SETX: variants seen among roughly 807,000 people sequenced by gnomAD.
SETX encodes the protein senataxin, also known as helicase senataxin.
Under a neutral mutation model 227.2 loss-of-function variants are expected in SETX, and 90 were observed. That is an observed-to-expected ratio of 0.40 (90% confidence interval 0.33 to 0.47). SETX has a LOEUF of 0.47. Ranked by LOEUF, SETX falls within the 20% of genes least tolerant of loss-of-function variation. SETX has a pLI of 0.91. For missense variants in SETX, 3,052 were observed against 3,181.5 expected, an observed-to-expected ratio of 0.96 and a Z score of 0.98; for synonymous variants, 1,210 against 1,113.2, an observed-to-expected ratio of 1.09 and a Z score of -1.73.
At chr9:132,295,536 C>T (rs1051825081) in intron 15 of SETX, among the ~76,000 whole-genome samples, 2 of 152,216 alleles carry the variant, frequency 1.3e-5, no homozygotes, top group Non-Finnish European at 2.9e-5. Context: ...CTGCCCTTCT[C>T]TAACCCTCAC....
chr9:132,332,582 T>C (rs181657798), intron 7 of SETX, among the ~76,000 whole-genome samples: 2 of 152,134 alleles, frequency 1.3e-5, no homozygotes, highest in East Asian at 1.9e-4. Flanking sequence ...ACAAAGTAGT[T>C]AGATGAAGAC....
chr9:132,282,439 C>A (rs1156926588), intron 19 of SETX, among the ~76,000 whole-genome samples: 3 of 151,862 alleles, frequency 2.0e-5, no homozygotes, highest in African/African-American at 7.3e-5. Context: ...CAGGCACACA[C>A]CATCAACTCC....
At position 132,327,412 on chromosome 9, in the gene SETX, A is replaced by C. The variant is rs1564539202; in HGVS notation, c.4186T>G (p.Tyr1396Asp). ...ACCTCAGTTCCTCCTGTACAATTAT[A>C]ATCTGACCTATCAGATTCTGGTACA... The part of the protein sequence containing the change: ...IFVPESDRSD[Y>D]NCTGGTEVLA... Residue 1396 changes from tyrosine (Y) to aspartate (D), a missense_variant, in exon 10 of 26, where the codon TAT becomes GAT. By Grantham distance (160) the Tyr-to-Asp change is radical. Coordinates refer to ENST00000224140, the MANE Select transcript of SETX (RefSeq NM_015046.7). The C allele has an allele frequency of 1.9e-6, 3 of 1,614,208 alleles. No individual in the cohort carries two copies. Among genetic ancestry groups the C allele is most frequent in the South Asian group, 2.2e-5 (2 of 91,086 alleles).
At chr9:132,333,893 T>G (rs1308030522) in intron 7 of SETX, among the ~76,000 whole-genome samples, 1 of 152,194 alleles carries the variant, frequency 6.6e-6, no homozygotes, top group Non-Finnish European at 1.5e-5. Flanking sequence ...AATAACTGCA[T>G]TTTTAATTTT....
chr9:132,265,031 C>T (rs376995959), intron 25 of SETX, 46 bp from the exon 26 acceptor site: 88 of 1,604,406 alleles, frequency 5.5e-5, no homozygotes, highest in South Asian at 7.7e-5. Flanking sequence ...CAAAGAGACA[C>T]TGCTTGGGAA....
At chr9:132,341,281 T>C in intron 5 of SETX, among the ~76,000 whole-genome samples, 1 of 151,738 alleles carries the variant, frequency 6.6e-6, no homozygotes, top group East Asian at 1.9e-4. Context: ...CAACTCAGAG[T>C]TTCTCTCAAT....
At chr9:132,320,812 A>G (rs1846280301) in intron 10 of SETX, among the ~76,000 whole-genome samples, 2 of 152,170 alleles carry the variant, frequency 1.3e-5, no homozygotes, top group African/African-American at 2.4e-5. Context: ...TTGACCAATT[A>G]GAACAAAAAG....
At chr9:132,269,297 G>A in intron 25 of SETX, 2 of 736,056 alleles carry the variant, frequency 2.7e-6, no homozygotes, top group African/African-American at 1.8e-5. Flanking sequence ...TTTACTGAGT[G>A]TTTACTAAGT....
At chr9:132,300,891 T>C in intron 11 of SETX, 88 bp from the exon 12 acceptor site, 2 of 1,286,802 alleles carry the variant, frequency 1.6e-6, no homozygotes, top group Admixed American at 4.6e-5. Context: ...AATCCTTGTA[T>C]TAAGTTCAAA....
intron 15 of SETX, among the ~76,000 whole-genome samples, chr9:132,290,401 G>A (rs778135010): frequency 2.7e-5 from 4 of 150,202 alleles, no homozygotes; most frequent in Middle Eastern, 3.5e-3. Flanking sequence ...ATGGTGAAAC[G>A]CCATCTCTAC....
chr9:132,271,845 G>A (rs1342575147), intron 23 of SETX, 37 bp from the exon 24 acceptor site: 1 of 1,547,614 alleles, frequency 6.5e-7, no homozygotes. Context: ...CTGGAAAAAG[G>A]AAGATAATTA....
At chr9:132,330,635 G>C (rs1378751751) in intron 9 of SETX, 136 bp from the exon 10 acceptor site, 16 of 707,302 alleles carry the variant, frequency 2.3e-5, no homozygotes, top group Non-Finnish European at 2.2e-5. Flanking sequence ...CTATACAATG[G>C]TATAATTGTG....
intron 12 of SETX, among the ~76,000 whole-genome samples, chr9:132,299,373 T>C (rs748208391): frequency 1.1e-4 from 17 of 152,146 alleles, no homozygotes; most frequent in Admixed American, 2.0e-4. Context: ...GGAATGAGAC[T>C]GCCTTAGAAC....
At chr9:132,354,327 G>A (rs769393356) in intron 1 of SETX, among the ~76,000 whole-genome samples, 1 of 151,974 alleles carries the variant, frequency 6.6e-6, no homozygotes, top group Non-Finnish European at 1.5e-5. Context: ...CCCTGTCTCT[G>A]CAACACATTT....
intron 11 of SETX, among the ~76,000 whole-genome samples, chr9:132,302,650 G>A: frequency 1.1e-5 from 1 of 95,180 alleles, no homozygotes. Flanking sequence ...ACAAGAGTGA[G>A]ACTTTGTCTC....
intron 4 of SETX, among the ~76,000 whole-genome samples, chr9:132,345,871 T>C (rs1289046299): frequency 6.6e-6 from 1 of 151,904 alleles, no homozygotes; most frequent in Non-Finnish European, 1.5e-5. Flanking sequence ...AACATAAAAT[T>C]AGCTGGACGC....
At chr9:132,341,858 A>G (rs1051422360) in intron 5 of SETX, among the ~76,000 whole-genome samples, 1 of 152,012 alleles carries the variant, frequency 6.6e-6, no homozygotes, top group African/African-American at 2.4e-5. Flanking sequence ...GTTTCCACTC[A>G]TTTATTACTT....
chr9:132,335,348 G>A (rs981977114), intron 6 of SETX, among the ~76,000 whole-genome samples: 9 of 138,220 alleles, frequency 6.5e-5, no homozygotes, highest in Admixed American at 2.3e-4. Flanking sequence ...CCGAGATCGC[G>A]CGACTGCACT....
intron 15 of SETX, among the ~76,000 whole-genome samples, chr9:132,294,762 C>T (rs1215640558): frequency 7.2e-5 from 11 of 152,136 alleles, no homozygotes; most frequent in South Asian, 4.1e-4. Flanking sequence ...CTATCCTGAC[C>T]GCAGGTGCAC....
Sources: gnomAD v4.1 joint callset for allele counts (sites outside exome capture counted in the v4.1 genomes callset) on GRCh38, gnomAD v4.1.1 for gene constraint, MANE v1.5 for transcripts, NCBI Gene and HGNC (gene_info 2026-07-23, HGNC 2026-07-21) for gene names.